Variants in NOL4 observed in about 807,000 individuals in gnomAD.
The protein encoded by NOL4 is cancer/testis antigen 125.
A neutral mutation model predicts 75.9 loss-of-function variants in NOL4; 17 were observed. The observed-to-expected ratio is 0.22, with a 90% CI of 0.15 to 0.34. The LOEUF is 0.34. Ranked by LOEUF, NOL4 falls within the 10% of genes least tolerant of loss-of-function variation. The pLI, the probability that NOL4 is intolerant of heterozygous loss-of-function variation, is 1.00. For missense variants in NOL4, 614 were observed against 793.5 expected, an observed-to-expected ratio of 0.77 and a Z score of 2.72; for synonymous variants, 292 against 289.9, an observed-to-expected ratio of 1.01 and a Z score of -0.07.
intron 8 of NOL4, among the ~76,000 whole-genome samples, chr18:33,944,130 T>C (rs1035465843): frequency 2.0e-5 from 3 of 151,810 alleles, no homozygotes; most frequent in Admixed American, 6.6e-5. Context: ...AATAAATGTA[T>C]CTTTTGGGAA....
At chr18:33,887,106 T>C (rs890311327) in intron 9 of NOL4, among the ~76,000 whole-genome samples, 1 of 142,232 alleles carries the variant, frequency 7.0e-6, no homozygotes, top group Non-Finnish European at 1.5e-5. Context: ...GATATATATA[T>C]CTCTGTATCT....
intron 1 of NOL4, among the ~76,000 whole-genome samples, chr18:34,164,476 A>G (rs1353359937): frequency 6.6e-6 from 1 of 152,244 alleles, no homozygotes; most frequent in Non-Finnish European, 1.5e-5. Context: ...TATGCAGCCA[A>G]AAAACACATG....
chr18:33,868,043 C>CT (rs376575722), intron 10 of NOL4, among the ~76,000 whole-genome samples: 2,118 of 144,150 alleles, frequency 0.015, 45 homozygotes, highest in African/African-American at 0.047. Flanking sequence ...GATTCTTTAT[C>CT]TTTTTTTTTT....
At chr18:34,059,122 CATATATATATATAT>C (rs55773398) in intron 5 of NOL4, among the ~76,000 whole-genome samples, 2,546 of 118,202 alleles carry the variant, frequency 0.022, 46 homozygotes, top group Middle Eastern at 0.029. Context: ...GATAGATATA[CATATATATATATAT>C]ATATATATAT....
At chr18:33,948,336 T>G (rs1824324658) in intron 8 of NOL4, among the ~76,000 whole-genome samples, 2 of 151,928 alleles carry the variant, frequency 1.3e-5, no homozygotes, top group Non-Finnish European at 2.9e-5. Context: ...TATTAAGAAT[T>G]CTGTAATTTG....
intron 5 of NOL4, among the ~76,000 whole-genome samples, chr18:34,041,089 A>G (rs1961283107): frequency 6.6e-6 from 1 of 151,996 alleles, no homozygotes; most frequent in Admixed American, 6.6e-5. Flanking sequence ...GCTTTCAATT[A>G]CTATTTCCTC....
chr18:34,035,304 C>T (rs1001667613), intron 5 of NOL4, among the ~76,000 whole-genome samples: 10 of 151,974 alleles, frequency 6.6e-5, no homozygotes, highest in Non-Finnish European at 1.2e-4. Context: ...AAATCAACGC[C>T]AAGTTAAACT....
At chr18:33,932,886 T>G (rs2067795828) in intron 9 of NOL4, among the ~76,000 whole-genome samples, 1 of 152,122 alleles carries the variant, frequency 6.6e-6, no homozygotes, top group Non-Finnish European at 1.5e-5. Flanking sequence ...TAGTCCCACA[T>G]TCATATATGT....
intron 1 of NOL4, among the ~76,000 whole-genome samples, chr18:34,141,040 T>C (rs1474122946): frequency 3.9e-5 from 6 of 152,132 alleles, no homozygotes; most frequent in East Asian, 3.9e-4. Context: ...ACACCAATAA[T>C]AGACAAACAG....
At chr18:34,181,859 T>C (rs985362685) in intron 1 of NOL4, among the ~76,000 whole-genome samples, 1 of 151,572 alleles carries the variant, frequency 6.6e-6, no homozygotes, top group African/African-American at 2.4e-5. Context: ...GAGATGCTAC[T>C]TCACATCCAT....
intron 2 of NOL4, among the ~76,000 whole-genome samples, chr18:34,112,560 A>T (rs1400468627): frequency 6.6e-6 from 1 of 152,150 alleles, no homozygotes; most frequent in Non-Finnish European, 1.5e-5. Flanking sequence ...TTGCAACAAC[A>T]TGTATGAACC....
At chr18:34,187,213 C>T (rs2034529660) in intron 1 of NOL4, among the ~76,000 whole-genome samples, 1 of 152,142 alleles carries the variant, frequency 6.6e-6, no homozygotes, top group Non-Finnish European at 1.5e-5. Flanking sequence ...AACCCCATAA[C>T]AACCACTGAT....
At chr18:34,099,718 G>A (rs1350127691) in intron 4 of NOL4, among the ~76,000 whole-genome samples, 1 of 151,668 alleles carries the variant, frequency 6.6e-6, no homozygotes, top group East Asian at 1.9e-4. Flanking sequence ...CCCTGCTCTC[G>A]CCCCACCTCT....
At chr18:34,125,593 G>A (rs2080348390) in intron 2 of NOL4, among the ~76,000 whole-genome samples, 1 of 151,982 alleles carries the variant, frequency 6.6e-6, no homozygotes, top group Non-Finnish European at 1.5e-5. Flanking sequence ...AAAAAATAAT[G>A]CTAACTAGGG....
chr18:33,984,607 C>T (rs1296969671), intron 6 of NOL4, among the ~76,000 whole-genome samples: 1 of 152,076 alleles, frequency 6.6e-6, no homozygotes, highest in Non-Finnish European at 1.5e-5. Flanking sequence ...CTCTCTCTTG[C>T]TCCTGCTCTG....
chr18:34,126,630 AC>A (rs1394435051), intron 2 of NOL4, among the ~76,000 whole-genome samples: 11 of 152,084 alleles, frequency 7.2e-5, no homozygotes, highest in African/African-American at 2.7e-4. Context: ...GAACTCGCTT[AC>A]CCTGTGATAT....
intron 2 of NOL4, among the ~76,000 whole-genome samples, chr18:34,112,134 T>C (rs1000642830): frequency 1.3e-4 from 20 of 152,054 alleles, no homozygotes; most frequent in African/African-American, 4.6e-4. Flanking sequence ...TTTGGGAGGC[T>C]GAGGCAGGTG....
intron 2 of NOL4, among the ~76,000 whole-genome samples, chr18:34,123,703 TATAGAGAG>T (rs1489985731): frequency 6.7e-6 from 1 of 148,456 alleles, no homozygotes; most frequent in Non-Finnish European, 1.5e-5. Flanking sequence ...TATATGTATA[TATAGAGAG>T]ATAGATGGAT....
intron 4 of NOL4, among the ~76,000 whole-genome samples, chr18:34,094,703 G>A (rs1487806708): frequency 6.6e-6 from 1 of 152,186 alleles, no homozygotes; most frequent in Non-Finnish European, 1.5e-5. Context: ...TGTTTGATCT[G>A]AACGTTTAAC....
Sources: gnomAD v4.1 joint callset for allele counts (sites outside exome capture counted in the v4.1 genomes callset) on GRCh38, gnomAD v4.1.1 for gene constraint, MANE v1.5 for transcripts, NCBI Gene and HGNC (gene_info 2026-07-23, HGNC 2026-07-21) for gene names.